Variants in PARM1 observed in about 807,000 individuals in gnomAD.
PARM1 encodes WSC4, cell wall integrity and stress response component 4 homolog.
PARM1 carries 14 observed loss-of-function variants against 24.6 expected under a neutral mutation model. The ratio of observed to expected loss-of-function variants is 0.57; its 90% CI spans 0.38 to 0.89. The LOEUF (loss-of-function observed/expected upper bound fraction) is 0.89, where lower values mean the gene tolerates loss of function less well. Among genes scored for constraint, PARM1 ranks in the 40% least tolerant of loss-of-function variants. The pLI is 0.00. For synonymous variants in PARM1, 179 were observed against 156.6 expected (o/e 1.14, Z -1.07); for missense variants, 362 against 380.4 (o/e 0.95, Z 0.40).
chr4:75,009,481 C>A (rs193069337), intron 1 of PARM1, among the ~76,000 whole-genome samples: 163 of 152,276 alleles, frequency 1.1e-3, no homozygotes, highest in Non-Finnish European at 4.4e-4. Context: ...AAGGAAATAT[C>A]CTCAGGGTAC....
At chr4:75,029,126 G>A (rs1244384699) in intron 2 of PARM1, among the ~76,000 whole-genome samples, 5 of 152,128 alleles carry the variant, frequency 3.3e-5, no homozygotes, top group Admixed American at 6.5e-5. Flanking sequence ...TGAGTGTGGG[G>A]AGAGAGACTC....
intron 1 of PARM1, among the ~76,000 whole-genome samples, chr4:74,990,772 C>T (rs1446242198): frequency 6.6e-6 from 1 of 152,180 alleles, no homozygotes; most frequent in East Asian, 1.9e-4. Flanking sequence ...CTTGAGTTCA[C>T]CTTTAAAACA....
At position 74,953,312 on chromosome 4, in the gene PARM1, A is replaced by T. The variant is rs540119596; in HGVS notation, c.43+19942A>T. 1.4e-4 allele frequency among the ~76,000 whole-genome samples: 22 copies of T among 152,324 alleles called. 2 individuals carry two copies. The South Asian group carries it at 4.6e-3, about 32-fold the overall frequency. On this transcript the variant is annotated intron_variant, in intron 1 of 3. Coordinates refer to ENST00000307428, the MANE Select transcript of PARM1 (RefSeq NM_015393.4). ...GAAATATTCTAAGAAAAAATGAGAG[A>T]TCTGCTGTATAAAGCCTTTATTGAT... is the stretch of plus-strand genomic sequence containing the variant.
At chr4:75,018,142 TA>T (rs1208409668) in intron 2 of PARM1, among the ~76,000 whole-genome samples, 1 of 152,236 alleles carries the variant, frequency 6.6e-6, no homozygotes, top group African/African-American at 2.4e-5. Flanking sequence ...ACTAGGGTTA[TA>T]GCCATGAGTA....
At chr4:75,007,920 C>A (rs1224744617) in intron 1 of PARM1, among the ~76,000 whole-genome samples, 1 of 152,202 alleles carries the variant, frequency 6.6e-6, no homozygotes, top group Non-Finnish European at 1.5e-5. Flanking sequence ...GGGCCCTCAC[C>A]AGAAACTGAA....
At chr4:74,984,715 T>A (rs954051727) in intron 1 of PARM1, among the ~76,000 whole-genome samples, 1 of 152,200 alleles carries the variant, frequency 6.6e-6, no homozygotes, top group African/African-American at 2.4e-5. Flanking sequence ...TTTTAAGTGT[T>A]TTACATGGAT....
chr4:75,012,127 C>A (rs1722881789), intron 1 of PARM1, among the ~76,000 whole-genome samples: 1 of 152,142 alleles, frequency 6.6e-6, no homozygotes, highest in Admixed American at 6.5e-5. Context: ...TCTCTAAGGA[C>A]ATGATTTTAA....
chr4:74,941,184 T>C (rs1183638676), intron 1 of PARM1, among the ~76,000 whole-genome samples: 1 of 152,222 alleles, frequency 6.6e-6, no homozygotes, highest in Non-Finnish European at 1.5e-5. Flanking sequence ...TCTTAAAAAT[T>C]ACAATGTTGA....
At chr4:74,940,106 C>T (rs977727210) in intron 1 of PARM1, among the ~76,000 whole-genome samples, 1 of 152,042 alleles carries the variant, frequency 6.6e-6, no homozygotes, top group Non-Finnish European at 1.5e-5. Context: ...TTCAGACTTC[C>T]TAGAGGTTAG....
intron 1 of PARM1, among the ~76,000 whole-genome samples, chr4:74,948,564 G>A (rs941190684): frequency 6.6e-6 from 1 of 152,154 alleles, no homozygotes; most frequent in African/African-American, 2.4e-5. Context: ...AGAGGGAAGT[G>A]GGCTGGAAGC....
At chr4:75,026,597 C>T (rs1184708606) in intron 2 of PARM1, among the ~76,000 whole-genome samples, 1 of 152,186 alleles carries the variant, frequency 6.6e-6, no homozygotes, top group East Asian at 1.9e-4. Flanking sequence ...CTTCCATGGT[C>T]CCTGCTCCCC....
intron 3 of PARM1, among the ~76,000 whole-genome samples, chr4:75,044,106 T>C (rs907241286): frequency 2.6e-5 from 4 of 152,310 alleles, no homozygotes; most frequent in African/African-American, 7.2e-5. Flanking sequence ...GCTTCAAAAT[T>C]GCAATAGCAA....
At chr4:75,039,510 C>G (rs149350486) in intron 3 of PARM1, among the ~76,000 whole-genome samples, 2 of 151,942 alleles carry the variant, frequency 1.3e-5, no homozygotes, top group South Asian at 4.2e-4. Flanking sequence ...CTTCAGCCTG[C>G]GTGACACAGC....
chr4:74,948,175 G>A (rs1243532981), intron 1 of PARM1, among the ~76,000 whole-genome samples: 1 of 152,136 alleles, frequency 6.6e-6, no homozygotes. Context: ...GAGAACAGAG[G>A]TCATGTCTTA....
At chr4:74,987,064 T>A (rs1194517310) in intron 1 of PARM1, among the ~76,000 whole-genome samples, 1 of 152,214 alleles carries the variant, frequency 6.6e-6, no homozygotes, top group Non-Finnish European at 1.5e-5. Context: ...ATACTAAATG[T>A]TCAATATTAT....
intron 3 of PARM1, among the ~76,000 whole-genome samples, chr4:75,043,334 A>G (rs1370704959): frequency 6.6e-6 from 1 of 152,172 alleles, no homozygotes; most frequent in Non-Finnish European, 1.5e-5. Context: ...ATATTGGCCA[A>G]CATTCATTGC....
At chr4:75,013,619 A>T (rs1297249083) in intron 2 of PARM1, among the ~76,000 whole-genome samples, 1 of 152,246 alleles carries the variant, frequency 6.6e-6, no homozygotes, top group African/African-American at 2.4e-5. Context: ...GCAGGGAGTA[A>T]ATGCTCAGGA....
At chr4:74,954,058 T>A (rs1463089224) in intron 1 of PARM1, among the ~76,000 whole-genome samples, 2 of 152,182 alleles carry the variant, frequency 1.3e-5, no homozygotes, top group African/African-American at 2.4e-5. Flanking sequence ...AAAGTAGATA[T>A]GGAATAAATC....
At chr4:75,020,798 C>T (rs1485998236) in intron 2 of PARM1, among the ~76,000 whole-genome samples, 2 of 152,170 alleles carry the variant, frequency 1.3e-5, no homozygotes, top group Non-Finnish European at 2.9e-5. Context: ...TAGACGCTAC[C>T]TGGGACTTTC....
Sources: allele counts gnomAD v4.1 joint callset (sites outside exome capture counted in the v4.1 genomes callset), GRCh38; gene constraint gnomAD v4.1.1; transcripts MANE v1.5; gene names NCBI Gene and HGNC (gene_info 2026-07-23, HGNC 2026-07-21).